The following ABCC9 variants were observed in gnomAD, a reference collection of about 807,000 sequenced individuals.
ABCC9 encodes ATP binding cassette subfamily C member 9, also known as ATP-binding cassette sub-family C member 9.
Under a neutral mutation model 188.3 loss-of-function variants are expected in ABCC9, and 95 were observed. The observed-to-expected ratio is 0.50, with a 90% CI of 0.43 to 0.60. The LOEUF (loss-of-function observed/expected upper bound fraction) is 0.60. ABCC9 is among the 20% of genes least tolerant of loss of function. The probability of loss-of-function intolerance (pLI) is 0.00; values close to 1 mark genes in which losing one functional copy is unlikely to be tolerated. For synonymous variants in ABCC9, 659 were observed against 652.7 expected (o/e 1.01, Z -0.15); for missense variants, 1,102 against 1,876.3 (o/e 0.59, Z 7.62).
At chr12:21,850,442 T>C (rs1944904743) in intron 24 of ABCC9, among the ~76,000 whole-genome samples, 1 of 152,086 alleles carries the variant, frequency 6.6e-6, no homozygotes, top group Non-Finnish European at 1.5e-5. Flanking sequence ...GGTGCGTGAT[T>C]CATTCTGGCT....
chr12:21,922,622 A>G (rs914963327), intron 5 of ABCC9, among the ~76,000 whole-genome samples: 4 of 152,072 alleles, frequency 2.6e-5, no homozygotes, highest in Admixed American at 1.3e-4. Context: ...CTGCAAGGGG[A>G]AACAAAAGAC....
At chr12:21,925,797 CAGG>C in intron 5 of ABCC9, 142 bp downstream of exon 5, 1 of 900,440 alleles carries the variant, frequency 1.1e-6, no homozygotes, top group Non-Finnish European at 1.7e-6. Context: ...TGGGCAGCTA[CAGG>C]AGAATTAATC....
chr12:21,874,521 C>T (rs1037682980), intron 17 of ABCC9, among the ~76,000 whole-genome samples: 4 of 152,048 alleles, frequency 2.6e-5, no homozygotes, highest in South Asian at 4.1e-4. Context: ...TTTATGCAAG[C>T]GAATCAGAAT....
chr12:21,811,987 C>A, intron 36 of ABCC9, 62 bp downstream of exon 36: 1 of 1,223,292 alleles, frequency 8.2e-7, no homozygotes, highest in Non-Finnish European at 1.2e-6. Flanking sequence ...CTGAGTAAAA[C>A]CTTTCTATGA....
intron 18 of ABCC9, among the ~76,000 whole-genome samples, chr12:21,870,987 G>A (rs1012861575): frequency 6.6e-6 from 1 of 152,168 alleles, no homozygotes; most frequent in East Asian, 1.9e-4. Flanking sequence ...CTGGGGCCTG[G>A]AAAGTTAAAT....
rs943001181 is a variant in ABCC9 at position 21,803,169 on chromosome 12, C to T, written c.4513-1988G>A. Among the ~76,000 whole-genome samples, 4 of 151,954 alleles carry T rather than the reference C, an allele frequency of 2.6e-5. No homozygotes were observed. In the East Asian group the frequency reaches 7.8e-4, roughly 30 times the overall value. On this transcript the variant is annotated intron_variant, in intron 39 of 39. Coordinates refer to ENST00000261200, the MANE Select transcript of ABCC9 (RefSeq NM_020297.4). The stretch of plus-strand genomic sequence containing the variant: ...AAAGGACCAGAGCCATTTGCACACC[C>T]ATGCATTTAGAAAAAGAAACTTAAC...
chr12:21,904,385 A>G (rs1038376375), intron 12 of ABCC9, among the ~76,000 whole-genome samples: 1 of 152,244 alleles, frequency 6.6e-6, no homozygotes. Context: ...CTTCATGACT[A>G]AAACACCAAA....
intron 2 of ABCC9, among the ~76,000 whole-genome samples, chr12:21,937,328 T>C (rs1364537434): frequency 6.6e-6 from 1 of 152,186 alleles, no homozygotes; most frequent in Non-Finnish European, 1.5e-5. Flanking sequence ...GTTAGAATAT[T>C]CTCACAAGAA....
rs1364509904 is a variant in ABCC9 at position 21,818,385 on chromosome 12, T to A, written c.3670-134A>T. 8.2e-6 allele frequency: 6 copies of A among 730,274 alleles called. No individual in the cohort carries two copies. The African/African-American group carries it at 8.7e-5, about 11-fold the overall frequency. The allele number at this position is 730,274 out of a possible 1,614,324, so 45.2% of individuals were successfully genotyped here. ...GTCCTGTTAAGTTTCAGAGGAAGAATACCTAAGATGTAGAAGAATAATAGC... is the reference window on the plus strand; with the variant it reads ...GTCCTGTTAAGTTTCAGAGGAAGAAAACCTAAGATGTAGAAGAATAATAGC... On this transcript the variant is annotated intron_variant, in intron 31 of 39. Transcript: ENST00000261200.
In ABCC9 at chr12:21,845,948, A is replaced by G. The variant is rs1206710289; in HGVS notation, c.2867-116T>C. 1.0e-5 allele frequency: 9 copies of G among 864,338 alleles called. No individual in the cohort carries two copies. The East Asian group carries it at 2.1e-4, about 20-fold the overall frequency. The allele number at this position is 864,338 out of a possible 1,614,324, so 53.5% of individuals were successfully genotyped here. ...CATTTATAAAAATGTAAGCATTAGT[A>G]TTGAAGTTTTAAATGCTTTTAGTAG... On this transcript the variant is annotated intron_variant, in intron 25 of 39. Coordinates refer to ENST00000261200, the MANE Select transcript of ABCC9 (RefSeq NM_020297.4).
intron 13 of ABCC9, 131 bp from the exon 14 acceptor site, chr12:21,894,305 C>T: frequency 9.5e-7 from 1 of 1,049,182 alleles, no homozygotes; most frequent in South Asian, 1.3e-5. Context: ...ATGACTTCAT[C>T]CAAAACTCCC....
At chr12:21,926,101 T>C (rs2138000968) in intron 4 of ABCC9, 38 bp from the exon 5 acceptor site, 1 of 1,613,576 alleles carries the variant, frequency 6.2e-7, no homozygotes, top group South Asian at 1.1e-5. Context: ...AAGCTGATGG[T>C]TCCAGATAAT....
Position 21,915,870 on chromosome 12 carries a change from G to A in ABCC9, c.614C>T (p.Pro205Leu), listed in dbSNP as rs1286474202. Residue 205 changes from proline (P) to leucine (L), a missense_variant, in exon 7 of 40, where the codon CCT (proline) becomes CTT (leucine). Coordinates refer to ENST00000261200, the MANE Select transcript of ABCC9 (RefSeq NM_020297.4). ...FFMNPQKVKP[P>L]EDLQDLGVRF... is the part of the protein sequence containing the mutation. ...CACTCCCAGATCCTGGAGGTCTTCA[G>A]GAGGCTTTACTTTCTGAGGATTCAT... 1.9e-6 allele frequency: 3 copies of A among 1,613,366 alleles called. No homozygotes were observed. Among genetic ancestry groups the A allele is most frequent in the Non-Finnish European group, 2.5e-6 (3 of 1,179,684 alleles).
chr12:21,837,270 G>A (rs777235197), intron 30 of ABCC9, among the ~76,000 whole-genome samples: 9 of 152,056 alleles, frequency 5.9e-5, no homozygotes, highest in African/African-American at 9.7e-5. Context: ...TCATGATGCC[G>A]CCTACATAGA....
chr12:21,928,784 C>G (rs1373485101), intron 4 of ABCC9, among the ~76,000 whole-genome samples: 1 of 152,028 alleles, frequency 6.6e-6, no homozygotes, highest in Non-Finnish European at 1.5e-5. Context: ...TTTAACCATG[C>G]TAGTATTTTT....
At chr12:21,828,114 G>A (rs1250317593) in intron 31 of ABCC9, among the ~76,000 whole-genome samples, 6 of 152,062 alleles carry the variant, frequency 3.9e-5, no homozygotes, top group African/African-American at 7.2e-5. Flanking sequence ...TTTCAAAACC[G>A]GCAAATACCT....
At chr12:21,873,512 A>G (rs563746285) in intron 17 of ABCC9, among the ~76,000 whole-genome samples, 4 of 152,326 alleles carry the variant, frequency 2.6e-5, no homozygotes, top group African/African-American at 7.2e-5. Flanking sequence ...TACAGATTCA[A>G]TGTAATCCTT....
chr12:21,848,272 C>G (rs1944786671), intron 24 of ABCC9, 26 bp from the exon 25 acceptor site: 1 of 1,591,500 alleles, frequency 6.3e-7, no homozygotes, highest in Non-Finnish European at 8.6e-7. Context: ...TACTATCATG[C>G]AAGGAGCTAA....
intron 26 of ABCC9, 35 bp downstream of exon 26, chr12:21,845,568 T>G: frequency 2.6e-6 from 4 of 1,545,620 alleles, no homozygotes; most frequent in Non-Finnish European, 3.6e-6. Context: ...CAATATTTCC[T>G]TGATGATTTA....
Sources: allele counts gnomAD v4.1 joint callset (sites outside exome capture counted in the v4.1 genomes callset), GRCh38; gene constraint gnomAD v4.1.1; transcripts MANE v1.5; gene names NCBI Gene and HGNC (gene_info 2026-07-23, HGNC 2026-07-21).